LIPE: variants seen among roughly 807,000 people sequenced by gnomAD.
LIPE encodes lipase E, hormone sensitive type.
LIPE carries 66 observed loss-of-function variants against 88.5 expected under a neutral mutation model. The observed-to-expected ratio is 0.75, with a 90% CI of 0.61 to 0.91. The LOEUF (loss-of-function observed/expected upper bound fraction) is 0.91. Ranked by LOEUF, LIPE falls within the 40% of genes least tolerant of loss-of-function variation. The pLI, the probability that LIPE is intolerant of heterozygous loss-of-function variation, is 0.00. For synonymous variants in LIPE, 570 were observed against 617.5 expected, an observed-to-expected ratio of 0.92 and a Z score of 1.14; for missense variants, 1,346 against 1,434.7, an observed-to-expected ratio of 0.94 and a Z score of 1.00.
chr19:42,427,322 C>G lies in LIPE; in HGVS notation c.-173G>C. On this transcript the variant is annotated 5_prime_UTR_variant, in exon 1 of 10. Coordinates refer to ENST00000244289, the MANE Select transcript of LIPE (RefSeq NM_005357.4). ...CTTTTTAAGGCAGCTGGCAGTTGGC[C>G]GATCACAGCTGGCCCCCACTAAGTA... The G allele has an allele frequency of 1.6e-6, 2 of 1,283,576 alleles. No homozygotes were observed. The highest frequency in any genetic ancestry group is 2.1e-6 in the Non-Finnish European group (2 of 975,534). The allele number at this position is 1,283,576 out of a possible 1,614,324, so 79.5% of individuals were successfully genotyped here.
intron 9 of LIPE, among the ~76,000 whole-genome samples, chr19:42,402,335 C>T (rs1434331912): frequency 6.6e-6 from 1 of 152,100 alleles, no homozygotes; most frequent in Non-Finnish European, 1.5e-5. Context: ...CCGCCAAACC[C>T]ACCTTTTTTT....
At position 42,414,321 on chromosome 19, in the gene LIPE, G is replaced by GAAGAA. The variant is rs1030163642; in HGVS notation, c.884-3484_884-3480dup. On this transcript the variant is annotated intron_variant, in intron 1 of 9. Transcript: ENST00000244289. The surrounding 1 kb of genome is among the most constrained non-coding windows in gnomAD (Gnocchi z 4.6). The stretch of plus-strand genomic sequence containing the variant: ...AAAGGAAGGAAAGAAAGAAAGGAAA[G>GAAGAA]AAGAAAAGAAAAGGAAAGAAAGATG... Among the ~76,000 whole-genome samples the GAAGAA allele has an allele frequency of 2.0e-5, 3 of 149,250 alleles. No individual in the cohort carries two copies. Among genetic ancestry groups the GAAGAA allele is most frequent in the Admixed American group, 1.3e-4 (2 of 15,138 alleles).
In LIPE at chr19:42,401,915, C is replaced by T; in HGVS notation, c.3128G>A (p.Cys1043Tyr). 6.4e-7 allele frequency: 1 copy of T among 1,553,568 alleles called. No individual in the cohort carries two copies. The highest frequency in any genetic ancestry group is 8.7e-7 in the Non-Finnish European group (1 of 1,154,840). Reference sequence around the variant, plus strand: ...GAGGACGAGGCGGATGCGCTCCACGCACAGCTCTGCGGCCTGGCGCGTCTC... The same window carrying T: ...GAGGACGAGGCGGATGCGCTCCACGTACAGCTCTGCGGCCTGGCGCGTCTC... ...CRETRQAAEL[C>Y]VERIRLVLTP... Residue 1043 changes from cysteine to tyrosine, a missense_variant, in exon 10 of 10, where the codon TGC (cysteine) becomes TAC (tyrosine). By Grantham distance (194) the Cys-to-Tyr change is radical. Transcript: ENST00000244289.
At chr19:42,423,367 C>A in intron 1 of LIPE, 1 of 1,259,578 alleles carries the variant, frequency 7.9e-7, no homozygotes, top group South Asian at 1.2e-5. Flanking sequence ...CCCACTGCCC[C>A]GTAGGATGTA....
At chr19:42,405,972 TCTCTCACACACACA>T (rs1203540732) in intron 7 of LIPE, 175 bp downstream of exon 7, 93 of 563,356 alleles carry the variant, frequency 1.7e-4, no homozygotes, top group Middle Eastern at 4.6e-4. Flanking sequence ...TCTCTCTCTC[TCTCTCACACACACA>T]CACACACACA....
In LIPE at chr19:42,427,241, T is replaced by C; in HGVS notation, c.-92A>G. 1 of 1,462,806 alleles carries C rather than the reference T, an allele frequency of 6.8e-7. No individual in the cohort carries two copies. The highest frequency in any genetic ancestry group is 9.0e-7 in the Non-Finnish European group (1 of 1,111,688). 90.6% of individuals were successfully genotyped at this position (1,462,806 alleles called of 1,614,324 possible). On this transcript the variant is annotated 5_prime_UTR_variant, in exon 1 of 10. Coordinates refer to ENST00000244289, the MANE Select transcript of LIPE (RefSeq NM_005357.4). ...CTCTCTTCACAGATCTCTCATTGAT[T>C]CCTCATGATGGCACTTCCTCTTGGG...
Position 42,407,739 on chromosome 19 carries a change from AGGCTGAGCAGGC to A in LIPE, c.1697_1708del (p.Arg566_Ser569del). 1 of 1,563,686 alleles carries A rather than the reference AGGCTGAGCAGGC, an allele frequency of 6.4e-7. No individual in the cohort carries two copies. Among genetic ancestry groups the A allele is most frequent in the Non-Finnish European group, 8.7e-7 (1 of 1,155,510 alleles). The stretch of plus-strand genomic sequence containing the variant: ...TGGCATCTCAAAGGCTTCGGGTGGC[AGGCTGAGCAGGC>A]GGCTTACCCTCACGGTGGCCGATGC... On this transcript the variant is annotated inframe_deletion, in exon 5 of 10. Transcript: ENST00000244289. This position sits in a 1 kb window ranked among gnomAD's most constrained non-coding sequence, Gnocchi z 5.8.
At chr19:42,413,993 T>C (rs1356009405) in intron 1 of LIPE, among the ~76,000 whole-genome samples, 3 of 152,222 alleles carry the variant, frequency 2.0e-5, no homozygotes, top group African/African-American at 7.2e-5. Context: ...AATGGGACGA[T>C]GTGGGCTAGG....
At chr19:42,418,579 C>G (rs1449153737) in intron 1 of LIPE, among the ~76,000 whole-genome samples, 1 of 151,218 alleles carries the variant, frequency 6.6e-6, no homozygotes, top group Non-Finnish European at 1.5e-5. Context: ...TTTGGGAGGT[C>G]AAAGCAGGAG....
At chr19:42,402,112 G>C in intron 9 of LIPE, 37 bp from the exon 10 acceptor site, 1 of 1,430,798 alleles carries the variant, frequency 7.0e-7, no homozygotes. Flanking sequence ...AGAGAGGGTG[G>C]GGGACAGACA....
chr19:42,417,019 C>T (rs1471826026), intron 1 of LIPE, among the ~76,000 whole-genome samples: 1 of 152,206 alleles, frequency 6.6e-6, no homozygotes, highest in Non-Finnish European at 1.5e-5. Flanking sequence ...CTCCCGGGTT[C>T]ACGCCATTCT....
chr19:42,421,223 T>G (rs933174204), intron 1 of LIPE, among the ~76,000 whole-genome samples: 2 of 152,144 alleles, frequency 1.3e-5, no homozygotes, highest in African/African-American at 4.8e-5. Flanking sequence ...TTAAACTGCC[T>G]GCCCTGTTTC....
rs2040235894 is a variant in LIPE, at chr19:42,407,766, G to C, written c.1682C>G (p.Thr561Ser). 6.4e-7 allele frequency: 1 copy of C among 1,551,062 alleles called. No individual in the cohort carries two copies. Among genetic ancestry groups the C allele is most frequent in the African/African-American group, 1.4e-5 (1 of 73,088 alleles). Residue 561 changes from threonine to serine, a missense_variant, in exon 5 of 10, where the codon ACC (threonine) becomes AGC (serine). Coordinates refer to ENST00000244289, the MANE Select transcript of LIPE (RefSeq NM_005357.4). This position sits in a 1 kb window ranked among gnomAD's most constrained non-coding sequence, Gnocchi z 5.8. ...LSSLANMASA[T>S]VRVSRLLSLP... Reference sequence around the variant, plus strand: ...GCTGAGCAGGCGGCTTACCCTCACGGTGGCCGATGCCATGTTGGCCAGAGA... The same window carrying C: ...GCTGAGCAGGCGGCTTACCCTCACGCTGGCCGATGCCATGTTGGCCAGAGA...
At chr19:42,413,676 A>G (rs1311404168) in intron 1 of LIPE, among the ~76,000 whole-genome samples, 1 of 152,176 alleles carries the variant, frequency 6.6e-6, no homozygotes, top group Non-Finnish European at 1.5e-5. Flanking sequence ...AAAACAAAAC[A>G]AAAAAGATTA....
intron 8 of LIPE, 65 bp from the exon 9 acceptor site, chr19:42,403,096 A>T: frequency 1.4e-6 from 2 of 1,445,510 alleles, no homozygotes; most frequent in Non-Finnish European, 1.8e-6. Context: ...CTGGCAGGGA[A>T]TGCCATGGGA....
In LIPE at chr19:42,402,884, G is replaced by A. The variant is rs774119487; in HGVS notation, c.2690C>T (p.Ser897Leu). Reference protein sequence around the residue: ...TSSDTPEMSLSAETLSPSTPS... With the variant: ...TSSDTPEMSLLAETLSPSTPS... ...TGTGGAGGGGCTAAGTGTCTCAGCTGACAGCGACATCTCGGGGGTGTCCGA... is the reference window on the plus strand; with the variant it reads ...TGTGGAGGGGCTAAGTGTCTCAGCTAACAGCGACATCTCGGGGGTGTCCGA... Residue 897 changes from serine (S) to leucine (L), a missense_variant, in exon 9 of 10, where the codon TCA becomes TTA. Coordinates refer to ENST00000244289, the MANE Select transcript of LIPE (RefSeq NM_005357.4). 3.1e-5 allele frequency: 50 copies of A among 1,613,626 alleles called. No homozygotes were observed. The highest frequency in any genetic ancestry group is 4.2e-5 in the Non-Finnish European group (49 of 1,179,998).
chr19:42,408,336 C>T lies in LIPE; in HGVS notation c.1420-14G>A, dbSNP rs747362884. ...GGCAGGCGTGAACTGTGGAGAGACG[C>T]GGCTGCGTCACCCACCGCTCAAGAG... On this transcript the variant is annotated splice_polypyrimidine_tract_variant and intron_variant, in intron 2 of 9. Transcript: ENST00000244289. This position sits in a 1 kb window ranked among gnomAD's most constrained non-coding sequence, Gnocchi z 4.3. 1.9e-5 allele frequency: 30 copies of T among 1,609,338 alleles called. No individual in the cohort carries two copies. Among genetic ancestry groups the T allele is most frequent in the South Asian group, 5.5e-5 (5 of 90,988 alleles).
At position 42,406,379 on chromosome 19, in the gene LIPE, C is replaced by T; in HGVS notation, c.2147G>A (p.Gly716Glu). 6.2e-7 allele frequency: 1 copy of T among 1,612,330 alleles called. No homozygotes were observed. Among genetic ancestry groups the T allele is most frequent in the Non-Finnish European group, 8.5e-7 (1 of 1,178,474 alleles). ...IKHCALLGSTGERICLAGDSA... is the reference protein window; with the variant it reads ...IKHCALLGSTEERICLAGDSA... ...GTCCCCCGCAAGGCAGATTCGTTCC[C>T]CTGTTGAGCCTGGTTTGGGAGAGGG... Residue 716 changes from glycine (G) to glutamate (E), a missense_variant, in exon 7 of 10, where the codon GGG (glycine) becomes GAG (glutamate). Transcript: ENST00000244289. The surrounding 1 kb of genome is among the most constrained non-coding windows in gnomAD (Gnocchi z 5.7).
intron 8 of LIPE, among the ~76,000 whole-genome samples, chr19:42,403,810 G>A (rs2040078117): frequency 6.6e-6 from 1 of 152,098 alleles, no homozygotes; most frequent in Admixed American, 6.6e-5. Flanking sequence ...CTGTTCACAG[G>A]GAGCTAACAA....
Sources: allele counts gnomAD v4.1 joint callset (sites outside exome capture counted in the v4.1 genomes callset), GRCh38; gene constraint gnomAD v4.1.1; non-coding constraint Gnocchi (gnomAD v3.1); transcripts MANE v1.5; gene names NCBI Gene and HGNC (gene_info 2026-07-23, HGNC 2026-07-21).